The following SLC23A2 variants were observed in gnomAD, a reference collection of about 807,000 sequenced individuals.
SLC23A2 encodes the protein solute carrier family 23 member 2.
Under a neutral mutation model 73.3 loss-of-function variants are expected in SLC23A2, and 36 were observed. That is an observed-to-expected ratio of 0.49 (90% CI 0.38 to 0.65). The LOEUF (loss-of-function observed/expected upper bound fraction) is 0.65, where lower values mean the gene tolerates loss of function less well. Among genes scored for constraint, SLC23A2 ranks in the 30% least tolerant of loss-of-function variants. The pLI is 0.00. For missense variants in SLC23A2, 507 were observed against 841.6 expected (o/e 0.60, Z 4.92); for synonymous variants, 343 against 327.3 (o/e 1.05, Z -0.52).
In SLC23A2 at chr20:4,857,870, G is replaced by A. The variant is rs903035808; in HGVS notation, c.1721-666C>T. On this transcript the variant is annotated intron_variant, in intron 16 of 16. Transcript: ENST00000338244. The surrounding 1 kb of genome is among the most constrained non-coding windows in gnomAD (Gnocchi z 4.0). ...TGCTTGAACCCGAGAGGCAGAGACT[G>A]CAGTGAGCTGAGATCATGCCATTGC... 7.9e-5 allele frequency among the ~76,000 whole-genome samples: 12 copies of A among 152,182 alleles called. No homozygotes were observed. The highest frequency in any genetic ancestry group is 2.7e-4 in the African/African-American group (11 of 41,424).
At chr20:4,941,666 C>T (rs1356354467) in intron 2 of SLC23A2, among the ~76,000 whole-genome samples, 1 of 150,546 alleles carries the variant, frequency 6.6e-6, no homozygotes, top group African/African-American at 2.5e-5. Context: ...CCCACCACGG[C>T]ACTCCAGTCT....
At chr20:4,869,125 T>A (rs899163910) in intron 12 of SLC23A2, 2 of 152,018 alleles carry the variant, frequency 1.3e-5, no homozygotes, top group Non-Finnish European at 2.9e-5. Context: ...AACAGGTAAT[T>A]TTTGCAATGT....
At chr20:4,908,645 G>A (rs1932038188) in intron 4 of SLC23A2, among the ~76,000 whole-genome samples, 1 of 152,150 alleles carries the variant, frequency 6.6e-6, no homozygotes, top group Non-Finnish European at 1.5e-5. Context: ...TTGTACTGTA[G>A]GGACCGGGTG....
chr20:4,961,090 C>CTT (rs575903187), intron 2 of SLC23A2, among the ~76,000 whole-genome samples: 2 of 143,566 alleles, frequency 1.4e-5, no homozygotes, highest in African/African-American at 5.1e-5. Flanking sequence ...ATTACACATC[C>CTT]TTTTTTTTTT....
intron 6 of SLC23A2, among the ~76,000 whole-genome samples, chr20:4,898,139 G>T (rs1931615783): frequency 6.6e-6 from 1 of 152,198 alleles, no homozygotes; most frequent in East Asian, 1.9e-4. Flanking sequence ...CCCCTAGTCG[G>T]TCAGTGATAT....
intron 13 of SLC23A2, among the ~76,000 whole-genome samples, chr20:4,865,920 C>T (rs1484733619): frequency 6.6e-6 from 1 of 152,104 alleles, no homozygotes; most frequent in Non-Finnish European, 1.5e-5. Flanking sequence ...GCAACCTCTG[C>T]GTCCTGGGTT....
chr20:4,969,698 T>C (rs2087532886), intron 2 of SLC23A2, among the ~76,000 whole-genome samples: 1 of 151,876 alleles, frequency 6.6e-6, no homozygotes, highest in Non-Finnish European at 1.5e-5. Flanking sequence ...GATCCTCCTG[T>C]TTCAGTCTCC....
intron 2 of SLC23A2, among the ~76,000 whole-genome samples, chr20:4,942,797 C>G (rs966153039): frequency 1.3e-5 from 2 of 152,116 alleles, no homozygotes; most frequent in Non-Finnish European, 2.9e-5. Flanking sequence ...TCGAAAGAAC[C>G]ACCAAATCCT....
intron 3 of SLC23A2, among the ~76,000 whole-genome samples, chr20:4,929,670 G>A (rs541291370): frequency 6.6e-6 from 1 of 152,116 alleles, no homozygotes; most frequent in South Asian, 2.1e-4. Context: ...AGAAATTAAG[G>A]ACCAAAAATA....
At chr20:5,005,397 T>A (rs2088179913), upstream of SLC23A2, among the ~76,000 whole-genome samples, 1 of 152,108 alleles carries the variant, frequency 6.6e-6, no homozygotes, top group African/African-American at 2.4e-5. Context: ...CAAACAAGGT[T>A]TTTTTTTCCT....
chr20:4,965,754 GT>G (rs1157898148), intron 2 of SLC23A2, among the ~76,000 whole-genome samples: 2 of 152,140 alleles, frequency 1.3e-5, no homozygotes, highest in Non-Finnish European at 2.9e-5. Flanking sequence ...ATCACTTGAG[GT>G]CAGGAGTTGG....
intron 1 of SLC23A2, among the ~76,000 whole-genome samples, chr20:4,985,451 T>A (rs992816111): frequency 3.2e-5 from 3 of 93,186 alleles, no homozygotes; most frequent in Admixed American, 9.8e-5. Context: ...AAAAACCACA[T>A]TTTTTTTTTT....
intron 13 of SLC23A2, 137 bp downstream of exon 13, chr20:4,867,625 TAAAAAAAA>T: frequency 1.0e-5 from 3 of 295,706 alleles, no homozygotes; most frequent in African/African-American, 6.2e-5. Flanking sequence ...TATAAACACT[TAAAAAAAA>T]AAAAAAAAAA....
rs369767495 is a variant in SLC23A2, at chr20:4,870,013, G to A, written c.1143C>T (p.Ile381=). 3.1e-6 allele frequency: 5 copies of A among 1,612,818 alleles called. No homozygotes were observed. The highest frequency in any genetic ancestry group is 2.7e-5 in the African/African-American group (2 of 74,868). Residue 381 remains isoleucine (I), a synonymous_variant, in exon 12 of 17, where the codon ATC becomes ATT. Coordinates refer to ENST00000338244, the MANE Select transcript of SLC23A2 (RefSeq NM_005116.6). ...TGGCGACCACGGCACTGAGCATGCC[G>A]ATGACACCGGCCGCAGACACGGTGG... The part of the protein sequence containing the change: ...GLPTVSAAGV[I]GMLSAVVASI...
At chr20:4,873,569 C>T (rs1649325430) in intron 11 of SLC23A2, among the ~76,000 whole-genome samples, 1 of 152,236 alleles carries the variant, frequency 6.6e-6, no homozygotes, top group African/African-American at 2.4e-5. Context: ...GCTGTTCCCA[C>T]TCACATCTTT....
intron 2 of SLC23A2, among the ~76,000 whole-genome samples, chr20:4,959,219 CAAA>C (rs34519143): frequency 2.6e-5 from 3 of 113,646 alleles, no homozygotes; most frequent in African/African-American, 3.1e-5. Flanking sequence ...AACTCTGTCT[CAAA>C]AAAAAAAAAA....
In SLC23A2 at chr20:4,867,836, G is replaced by T. The variant is rs141025908; in HGVS notation, c.1290C>A (p.Gly430=). ...FVEGLSCVLD[G]IFGTGNGSTS... Reference sequence around the variant, plus strand: ...TAGAGCCATTCCCAGTACCAAATATGCCATCAAGAACACAGGAGAGGCCTT... The same window carrying T: ...TAGAGCCATTCCCAGTACCAAATATTCCATCAAGAACACAGGAGAGGCCTT... Residue 430 remains glycine (G), a synonymous_variant, in exon 13 of 17, where the codon GGC becomes GGA. Transcript: ENST00000338244. 6.2e-7 allele frequency: 1 copy of T among 1,611,230 alleles called. No homozygotes were observed. Among genetic ancestry groups the T allele is most frequent in the Non-Finnish European group, 8.5e-7 (1 of 1,177,592 alleles).
chr20:5,001,518 A>C (rs1007752975), upstream of SLC23A2: 8 of 149,554 alleles, frequency 5.3e-5, no homozygotes, highest in Admixed American at 4.0e-4. Flanking sequence ...GGCGCCGCGG[A>C]GGGGCGGGCC....
At chr20:4,940,319 TAAC>T (rs2087021001) in intron 2 of SLC23A2, among the ~76,000 whole-genome samples, 1 of 151,760 alleles carries the variant, frequency 6.6e-6, no homozygotes, top group African/African-American at 2.4e-5. Flanking sequence ...CATCTCAAAA[TAAC>T]AACAATAATA....
Sources: gnomAD v4.1 joint callset for allele counts (sites outside exome capture counted in the v4.1 genomes callset) on GRCh38, gnomAD v4.1.1 for gene constraint, Gnocchi (gnomAD v3.1) non-coding constraint, MANE v1.5 for transcripts, NCBI Gene and HGNC (gene_info 2026-07-23, HGNC 2026-07-21) for gene names.